PRH1: variants seen among roughly 807,000 people sequenced by gnomAD.
PRH1 encodes proline rich protein HaeIII subfamily 1, also known as salivary acidic proline-rich phosphoprotein 1/2.
PRH1 carries 7 observed loss-of-function variants against 7.9 expected under a neutral mutation model. The observed-to-expected ratio is 0.89, with a 90% confidence interval of 0.50 to 1.67. The LOEUF is 1.67. Ranked by LOEUF, PRH1 falls within the 40% of genes most tolerant of loss-of-function variation. PRH1 has a pLI of 0.00. For synonymous variants in PRH1, 45 were observed against 80.8 expected, an observed-to-expected ratio of 0.56 and a Z score of 2.38; for missense variants, 109 against 223.6, an observed-to-expected ratio of 0.49 and a Z score of 3.27.
chr12:11,166,406 A>G (rs977283288), intron 1 of PRH1: 7 of 152,194 alleles, frequency 4.6e-5, no homozygotes, highest in Admixed American at 4.6e-4. Context: ...ACAGACTTCT[A>G]ATATGTATTA....
At chr12:11,043,738 G>C (rs1383965294) in intron 1 of PRH1, among the ~76,000 whole-genome samples, 1 of 152,014 alleles carries the variant, frequency 6.6e-6, no homozygotes, top group Non-Finnish European at 1.5e-5. Flanking sequence ...CAACCAAAGA[G>C]ATGAAAGATC....
chr12:11,062,200 G>T, intron 1 of PRH1: 1 of 1,613,454 alleles, frequency 6.2e-7, no homozygotes, highest in Non-Finnish European at 8.5e-7. Flanking sequence ...CCACTCAATG[G>T]AATTTACCAA....
In PRH1 at chr12:11,123,765, CTAAT is replaced by C. The variant is rs568885108; in HGVS notation, n.40-2589_40-2586del. 6.6e-5 allele frequency among the ~76,000 whole-genome samples: 10 copies of C among 152,314 alleles called. No individual in the cohort carries two copies. In the East Asian group the frequency reaches 1.9e-3, roughly 29 times the overall value. On this transcript the variant is annotated intron_variant and non_coding_transcript_variant, in intron 1 of 1. Coordinates refer to the PRH1 transcript ENST00000541175. ...TTCTTTGTAGCTATCTTCCAATTCA[CTAAT>C]TATCTCTTCTACTCCATCTAACTGG...
At chr12:11,119,241 G>A (rs1484308758), downstream of PRH1, among the ~76,000 whole-genome samples, 11 of 151,938 alleles carry the variant, frequency 7.2e-5, no homozygotes, top group African/African-American at 1.5e-4. Flanking sequence ...TGGACATAGA[G>A]AGTACATAGA....
chr12:11,077,882 G>C (rs1162238338), intron 1 of PRH1: 1 of 989,326 alleles, frequency 1.0e-6, no homozygotes, highest in East Asian at 2.4e-5. Flanking sequence ...CTCTTCTTTA[G>C]GTGGAGAAAA....
intron 1 of PRH1, among the ~76,000 whole-genome samples, chr12:11,150,838 T>A (rs985828569): frequency 6.6e-6 from 1 of 152,026 alleles, no homozygotes; most frequent in Non-Finnish European, 1.5e-5. Flanking sequence ...AAAAAAGATA[T>A]CAGTGAAAAT....
At chr12:11,102,679 A>G (rs1045839260) in intron 1 of PRH1, among the ~76,000 whole-genome samples, 8 of 152,262 alleles carry the variant, frequency 5.3e-5, no homozygotes, top group Admixed American at 4.6e-4. Context: ...AACAAAAGCC[A>G]AAATTGACAA....
intron 1 of PRH1, among the ~76,000 whole-genome samples, chr12:11,145,674 A>C (rs1470281266): frequency 6.6e-6 from 1 of 152,228 alleles, no homozygotes; most frequent in African/African-American, 2.4e-5. Flanking sequence ...ATACTAACAG[A>C]GTATACAGAA....
At chr12:10,976,039 C>T (rs902579886) in intron 1 of PRH1, among the ~76,000 whole-genome samples, 2 of 152,110 alleles carry the variant, frequency 1.3e-5, no homozygotes, top group African/African-American at 4.8e-5. Context: ...CAAAGGTACT[C>T]AGAATCTGAA....
chr12:11,019,629 A>G (rs888525143), intron 1 of PRH1, among the ~76,000 whole-genome samples: 1 of 152,086 alleles, frequency 6.6e-6, no homozygotes, highest in East Asian at 1.9e-4. Flanking sequence ...TGTATATGAT[A>G]ACCAGCTAGA....
intron 1 of PRH1, among the ~76,000 whole-genome samples, chr12:11,072,667 G>A (rs762423765): frequency 6.6e-6 from 1 of 152,166 alleles, no homozygotes; most frequent in African/African-American, 2.4e-5. Context: ...TATAAAATGA[G>A]GGCAGAGTTC....
At chr12:10,916,150 G>GC (rs1949969106) in intron 2 of PRH1, among the ~76,000 whole-genome samples, 1 of 152,078 alleles carries the variant, frequency 6.6e-6, no homozygotes, top group Non-Finnish European at 1.5e-5. Context: ...AGTTTGCAAG[G>GC]CAACTCCCCT....
intron 1 of PRH1, among the ~76,000 whole-genome samples, chr12:11,115,193 AAAC>A (rs1945697134): frequency 6.6e-6 from 1 of 152,176 alleles, no homozygotes; most frequent in African/African-American, 2.4e-5. Flanking sequence ...CACAGAAAGA[AAAC>A]AACGGGATGG....
chr12:10,906,796 T>C (rs972209621), intron 2 of PRH1, among the ~76,000 whole-genome samples: 2 of 152,170 alleles, frequency 1.3e-5, no homozygotes, highest in African/African-American at 4.8e-5. Context: ...TCTTTTTCTT[T>C]ATAAGTTACC....
intron 1 of PRH1, among the ~76,000 whole-genome samples, chr12:11,035,054 T>C (rs1351100436): frequency 6.6e-6 from 1 of 151,980 alleles, no homozygotes; most frequent in Non-Finnish European, 1.5e-5. Flanking sequence ...CAGCTTGTCG[T>C]TTAGACAGTT....
chr12:11,068,538 T>G (rs2136199404), intron 1 of PRH1, among the ~76,000 whole-genome samples: 1 of 152,318 alleles, frequency 6.6e-6, no homozygotes, highest in East Asian at 1.9e-4. Flanking sequence ...TGAAAGACAT[T>G]TGGAGGACAT....
chr12:11,080,136 CT>C (rs377077377), intron 1 of PRH1, among the ~76,000 whole-genome samples: 46,921 of 102,862 alleles, frequency 0.46, 6,093 homozygotes, highest in Non-Finnish European at 0.55. Flanking sequence ...TTATGATCAT[CT>C]TTTTTTAAAT....
intron 1 of PRH1, among the ~76,000 whole-genome samples, chr12:11,020,161 T>C (rs1160930603): frequency 6.6e-6 from 1 of 152,242 alleles, no homozygotes; most frequent in East Asian, 1.9e-4. Context: ...CAACTGCAGA[T>C]TTTATGATGA....
At chr12:11,033,135 G>A (rs1265242043) in intron 1 of PRH1, among the ~76,000 whole-genome samples, 3 of 152,254 alleles carry the variant, frequency 2.0e-5, no homozygotes, top group Non-Finnish European at 4.4e-5. Context: ...AGGCGAGGTT[G>A]AGGAAGGCAG....
Sources: allele counts gnomAD v4.1 joint callset (sites outside exome capture counted in the v4.1 genomes callset), GRCh38; gene constraint gnomAD v4.1.1; transcripts MANE v1.5; gene names NCBI Gene and HGNC (gene_info 2026-07-23, HGNC 2026-07-21).